Variants in CHST8 observed in about 807,000 individuals in gnomAD.
CHST8 encodes carbohydrate sulfotransferase 8, also known as GALNAC-4-ST1.
In CHST8, 10 loss-of-function variants were observed where a neutral mutation model predicts 15.0. That is an observed-to-expected ratio of 0.67 (90% CI 0.41 to 1.13). CHST8 has a LOEUF of 1.13. CHST8 is among the 50% of genes most tolerant of loss of function. The pLI is 0.00. For synonymous variants in CHST8, 259 were observed against 256.6 expected (o/e 1.01, Z -0.09); for missense variants, 634 against 608.2 (o/e 1.04, Z -0.45).
intron 3 of CHST8, among the ~76,000 whole-genome samples, chr19:33,731,786 T>C (rs1973998485): frequency 6.6e-6 from 1 of 152,210 alleles, no homozygotes; most frequent in Non-Finnish European, 1.5e-5. Context: ...CCAGAGCCTG[T>C]GCCCAAGGCT....
chr19:33,770,747 T>C (rs1974963115), intron 3 of CHST8, among the ~76,000 whole-genome samples: 1 of 152,178 alleles, frequency 6.6e-6, no homozygotes, highest in Non-Finnish European at 1.5e-5. Flanking sequence ...ACCCTCTACC[T>C]GGGCGCTGCT....
chr19:33,735,040 TA>T (rs982698588), intron 3 of CHST8, among the ~76,000 whole-genome samples: 11 of 152,164 alleles, frequency 7.2e-5, no homozygotes, highest in African/African-American at 2.7e-4. Context: ...AAGGAGGCTT[TA>T]AAAAAGGCTT....
chr19:33,751,610 C>T (rs557202651), intron 3 of CHST8, among the ~76,000 whole-genome samples: 5 of 152,282 alleles, frequency 3.3e-5, no homozygotes, highest in African/African-American at 9.6e-5. Flanking sequence ...CCTGCCTGAC[C>T]GGCCCACCGT....
intron 1 of CHST8, among the ~76,000 whole-genome samples, chr19:33,666,405 G>C (rs975123448): frequency 6.6e-6 from 1 of 152,196 alleles, no homozygotes; most frequent in Admixed American, 6.5e-5. Flanking sequence ...TCTGCCTCGC[G>C]TTTCTAGAGT....
intron 3 of CHST8, among the ~76,000 whole-genome samples, chr19:33,751,237 T>C (rs557421555): frequency 2.0e-5 from 3 of 152,114 alleles, no homozygotes; most frequent in Non-Finnish European, 4.4e-5. Context: ...GGGACCCATA[T>C]GTTCTCAGGA....
intron 1 of CHST8, among the ~76,000 whole-genome samples, chr19:33,666,828 G>T (rs184675177): frequency 6.6e-6 from 1 of 152,040 alleles, no homozygotes; most frequent in African/African-American, 2.4e-5. Context: ...TCAGCCTCCC[G>T]CGTAGCTGGG....
chr19:33,762,864 CTTTT>C (rs967177736), intron 3 of CHST8, among the ~76,000 whole-genome samples: 1 of 116,444 alleles, frequency 8.6e-6, no homozygotes. Flanking sequence ...AGTTTTCTCT[CTTTT>C]TTTTTTTTTT....
At chr19:33,716,961 G>C (rs994150650) in intron 3 of CHST8, among the ~76,000 whole-genome samples, 1 of 152,082 alleles carries the variant, frequency 6.6e-6, no homozygotes, top group African/African-American at 2.4e-5. Flanking sequence ...GCCCCTGTCT[G>C]CATCAGAATT....
chr19:33,742,403 G>A (rs1184279875), intron 3 of CHST8, among the ~76,000 whole-genome samples: 2 of 152,214 alleles, frequency 1.3e-5, no homozygotes, highest in Non-Finnish European at 2.9e-5. Context: ...CATGGCAGAA[G>A]GCGAAGGGGT....
chr19:33,770,453 C>T (rs1440030978), intron 3 of CHST8, among the ~76,000 whole-genome samples: 1 of 152,226 alleles, frequency 6.6e-6, no homozygotes, highest in Non-Finnish European at 1.5e-5. Context: ...CCTCGGTGGC[C>T]AGGTAGGGAC....
chr19:33,736,414 C>A (rs1200474508), intron 3 of CHST8, among the ~76,000 whole-genome samples: 1 of 152,176 alleles, frequency 6.6e-6, no homozygotes, highest in Non-Finnish European at 1.5e-5. Context: ...TGATTTGCAC[C>A]AGGCTGTTTT....
intron 3 of CHST8, among the ~76,000 whole-genome samples, chr19:33,768,271 C>T (rs1243956301): frequency 6.6e-6 from 1 of 152,028 alleles, no homozygotes; most frequent in Non-Finnish European, 1.5e-5. Flanking sequence ...TACGTTTCTT[C>T]TTTATTCGAA....
At chr19:33,743,833 C>A (rs1031936308) in intron 3 of CHST8, among the ~76,000 whole-genome samples, 1 of 151,224 alleles carries the variant, frequency 6.6e-6, no homozygotes, top group African/African-American at 2.4e-5. Context: ...ACTCTGTCGA[C>A]CAGGCTGGAG....
chr19:33,753,446 ACCACCCACCCACCATCCTCCCACCAC>A (rs1974462659), intron 3 of CHST8, among the ~76,000 whole-genome samples: 1 of 8,778 alleles, frequency 1.1e-4, no homozygotes, highest in Non-Finnish European at 2.0e-4. Flanking sequence ...CCATCCTCCC[ACCACCCACCCACCATCCTCCCACCAC>A]CCACCCACCA....
chr19:33,668,426 G>A (rs778023694), intron 2 of CHST8, among the ~76,000 whole-genome samples: 1 of 152,238 alleles, frequency 6.6e-6, no homozygotes, highest in Non-Finnish European at 1.5e-5. Context: ...GTGTCAAATG[G>A]GAAGAGCTGT....
At chr19:33,683,388 G>C (rs1972922304) in intron 2 of CHST8, among the ~76,000 whole-genome samples, 1 of 152,210 alleles carries the variant, frequency 6.6e-6, no homozygotes, top group Admixed American at 6.5e-5. Flanking sequence ...TCTGAAATCT[G>C]TCATACTGAC....
chr19:33,674,185 C>T (rs1428090941), intron 2 of CHST8, among the ~76,000 whole-genome samples: 1 of 152,208 alleles, frequency 6.6e-6, no homozygotes, highest in Non-Finnish European at 1.5e-5. Context: ...CCACTTCACC[C>T]CAGGAGCTCT....
rs761076603 is a variant in CHST8, at chr19:33,772,465, C to T, written c.677C>T (p.Thr226Ile). The T allele has an allele frequency of 1.1e-5, 18 of 1,613,152 alleles. No homozygotes were observed. The highest frequency in any genetic ancestry group is 1.0e-5 in the Non-Finnish European group (12 of 1,180,042). ...ASSTADIQHNTVHYGSALKRL... is the reference protein window; with the variant it reads ...ASSTADIQHNIVHYGSALKRL... ...TCCACTGCCGACATCCAGCACAACA[C>T]CGTCCACTATGGCAGCGCTCTCAAG... The change falls in exon 5 of 5, where the codon ACC (threonine) becomes ATC (isoleucine). Residue 226 changes from threonine (T) to isoleucine (I), a missense_variant. Physicochemically the swap from Thr to Ile is moderately conservative, Grantham distance 89. Transcript: ENST00000650847.
chr19:33,706,103 G>A lies in CHST8; in HGVS notation c.130+16712G>A, dbSNP rs117612477. ...AGTATCAGTGCTTGAACTAAAACCC[G>A]GTTCCTCAGATCCCAAAAGTCTGAA... On this transcript the variant is annotated intron_variant, in intron 3 of 4. Coordinates refer to ENST00000650847, the MANE Select transcript of CHST8 (RefSeq NM_001127895.2). Among the ~76,000 whole-genome samples the A allele has an allele frequency of 8.0e-3, 1,221 of 152,274 alleles. 13 individuals are homozygous for A. The highest frequency in any genetic ancestry group is 0.013 in the Non-Finnish European group (880 of 68,030).
Sources: gnomAD v4.1 joint callset for allele counts (sites outside exome capture counted in the v4.1 genomes callset) on GRCh38, gnomAD v4.1.1 for gene constraint, MANE v1.5 for transcripts, NCBI Gene and HGNC (gene_info 2026-07-23, HGNC 2026-07-21) for gene names.